FCHO2: variants seen among roughly 807,000 people sequenced by gnomAD.
FCHO2 encodes the protein FCH and mu domain containing endocytic adaptor 2.
A neutral mutation model predicts 114.1 loss-of-function variants in FCHO2; 43 were observed. The ratio of observed to expected loss-of-function variants is 0.38; its 90% CI spans 0.30 to 0.49. The LOEUF (loss-of-function observed/expected upper bound fraction) is 0.49. FCHO2 is among the 20% of genes least tolerant of loss of function. The pLI, the probability that FCHO2 is intolerant of heterozygous loss-of-function variation, is 0.97. For synonymous variants in FCHO2, 293 were observed against 315.2 expected, an observed-to-expected ratio of 0.93 and a Z score of 0.75; for missense variants, 807 against 950.4, an observed-to-expected ratio of 0.85 and a Z score of 1.98.
At chr5:72,983,547 C>CT (rs35592345) in intron 2 of FCHO2, among the ~76,000 whole-genome samples, 3,583 of 112,802 alleles carry the variant, frequency 0.032, 89 homozygotes, top group Non-Finnish European at 0.048. Context: ...AGTGACAATA[C>CT]TTTTTTTTTT....
intron 11 of FCHO2, among the ~76,000 whole-genome samples, chr5:73,046,176 C>T (rs1285556782): frequency 6.6e-6 from 1 of 152,172 alleles, no homozygotes; most frequent in Admixed American, 6.5e-5. Flanking sequence ...GTGATCCTTC[C>T]TGCCTGAGCC....
At chr5:73,052,685 A>T (rs1757394705) in intron 13 of FCHO2, 178 bp downstream of exon 13, 2 of 554,176 alleles carry the variant, frequency 3.6e-6, no homozygotes, top group Non-Finnish European at 6.1e-6. Flanking sequence ...TTTTGAAAGT[A>T]GAAAGTGAAA....
intron 9 of FCHO2, among the ~76,000 whole-genome samples, chr5:73,036,395 G>A (rs573010980): frequency 2.0e-5 from 3 of 151,380 alleles, no homozygotes; most frequent in African/African-American, 7.3e-5. Flanking sequence ...AATTTTTGAG[G>A]TAGGGTCTCA....
chr5:72,979,530 T>C (rs1306351487), intron 2 of FCHO2, among the ~76,000 whole-genome samples: 2 of 150,252 alleles, frequency 1.3e-5, no homozygotes, highest in African/African-American at 2.4e-5. Flanking sequence ...TAGCTGGGAC[T>C]ACAGGCGCCC....
intron 5 of FCHO2, 115 bp downstream of exon 5, chr5:72,990,979 G>A: frequency 8.5e-7 from 1 of 1,182,748 alleles, no homozygotes; most frequent in South Asian, 1.7e-5. Flanking sequence ...AAGACACTGT[G>A]CCTTACAGTC....
At chr5:73,077,252 G>T (rs760320681) in intron 20 of FCHO2, 86 bp from the exon 21 acceptor site, 2 of 1,198,296 alleles carry the variant, frequency 1.7e-6, no homozygotes, top group African/African-American at 3.0e-5. Flanking sequence ...GTGTGCGCAC[G>T]TGCACGCGTG....
chr5:73,018,613 A>G (rs1755441559), intron 8 of FCHO2, among the ~76,000 whole-genome samples: 2 of 151,530 alleles, frequency 1.3e-5, no homozygotes, highest in Admixed American at 6.6e-5. Context: ...ACAGTTTGCT[A>G]TACAGCCAAA....
chr5:72,982,931 T>TC (rs1384119353), intron 2 of FCHO2, among the ~76,000 whole-genome samples: 1 of 150,696 alleles, frequency 6.6e-6, no homozygotes, highest in African/African-American at 2.4e-5. Context: ...CTTTTTTTTT[T>TC]CAGACAGAGT....
chr5:73,046,211 A>C (rs1757048030), intron 11 of FCHO2, among the ~76,000 whole-genome samples: 1 of 152,160 alleles, frequency 6.6e-6, no homozygotes, highest in Admixed American at 6.5e-5. Flanking sequence ...GACTACAGGC[A>C]TGTGCCACCA....
intron 11 of FCHO2, among the ~76,000 whole-genome samples, chr5:73,041,681 G>A (rs920937683): frequency 7.9e-5 from 12 of 152,102 alleles, no homozygotes; most frequent in African/African-American, 2.4e-4. Flanking sequence ...AACATTGTGC[G>A]TGCATTTGAG....
intron 2 of FCHO2, among the ~76,000 whole-genome samples, chr5:72,987,845 T>C (rs530299096): frequency 6.6e-6 from 1 of 152,168 alleles, no homozygotes; most frequent in South Asian, 2.1e-4. Context: ...ATTTCCTTTT[T>C]GTTAGAGAGC....
chr5:73,045,519 T>G (rs529901241), intron 11 of FCHO2, among the ~76,000 whole-genome samples: 2 of 152,350 alleles, frequency 1.3e-5, no homozygotes, highest in African/African-American at 2.4e-5. Flanking sequence ...ACATTTTGGT[T>G]GTTTTTCAAT....
chr5:73,046,821 T>G (rs1399076847), intron 11 of FCHO2, among the ~76,000 whole-genome samples: 1 of 152,208 alleles, frequency 6.6e-6, no homozygotes, highest in Non-Finnish European at 1.5e-5. Context: ...TTCTAGTTTT[T>G]AATTCCATCT....
intron 5 of FCHO2, among the ~76,000 whole-genome samples, chr5:72,992,862 T>A (rs1753878456): frequency 1.3e-5 from 2 of 151,796 alleles, no homozygotes; most frequent in African/African-American, 4.8e-5. Flanking sequence ...GCATAAAGTA[T>A]AAAGCATAAC....
At chr5:72,997,303 AG>A in intron 5 of FCHO2, 1 of 1,538,502 alleles carries the variant, frequency 6.5e-7, no homozygotes, top group African/African-American at 1.4e-5. Flanking sequence ...TAGTGTTTAT[AG>A]CAAGCATGGA....
chr5:73,081,296 T>A (rs1316071605), intron 22 of FCHO2, among the ~76,000 whole-genome samples: 1 of 152,160 alleles, frequency 6.6e-6, no homozygotes, highest in Admixed American at 6.5e-5. Flanking sequence ...ATTATAACAT[T>A]TACTGTGAGT....
At chr5:72,998,413 G>A (rs1010485810) in intron 5 of FCHO2, among the ~76,000 whole-genome samples, 2 of 151,902 alleles carry the variant, frequency 1.3e-5, no homozygotes, top group Non-Finnish European at 2.9e-5. Context: ...CGTGAACCTG[G>A]GAGGCAGAGC....
chr5:72,990,851 G>C lies in FCHO2; in HGVS notation c.482G>C (p.Arg161Thr). 6.5e-7 allele frequency: 1 copy of C among 1,541,956 alleles called. No individual in the cohort carries two copies. Among genetic ancestry groups the C allele is most frequent in the Non-Finnish European group, 8.7e-7 (1 of 1,144,598 alleles). ...ERLKKEGATQ[R>T]EIEKAAVKSK... Reference sequence around the variant, plus strand: ...TTGAAAAAGGAAGGAGCTACACAAAGAGAAATAGAAAAGGTAATCATAATA... The same window carrying C: ...TTGAAAAAGGAAGGAGCTACACAAACAGAAATAGAAAAGGTAATCATAATA... The change falls in exon 5 of 26, where the codon AGA becomes ACA. Residue 161 changes from arginine to threonine, a missense_variant. Arg to Thr is a moderately conservative substitution (Grantham distance 71, BLOSUM62 -1). Coordinates refer to ENST00000430046, the MANE Select transcript of FCHO2 (RefSeq NM_138782.3).
chr5:72,965,325 C>G (rs1752140838), intron 1 of FCHO2, among the ~76,000 whole-genome samples: 1 of 152,162 alleles, frequency 6.6e-6, no homozygotes, highest in Non-Finnish European at 1.5e-5. Context: ...ATTATTTACA[C>G]TATACTGGTG....
Sources: gnomAD v4.1 joint callset for allele counts (sites outside exome capture counted in the v4.1 genomes callset) on GRCh38, gnomAD v4.1.1 for gene constraint, MANE v1.5 for transcripts, NCBI Gene and HGNC (gene_info 2026-07-23, HGNC 2026-07-21) for gene names.